The following FBXL4 variants were observed in gnomAD, a reference collection of about 807,000 sequenced individuals.
The protein encoded by FBXL4 is F-box and leucine rich repeat protein 4.
FBXL4 carries 40 observed loss-of-function variants against 58.9 expected under a neutral mutation model. The ratio of observed to expected loss-of-function variants is 0.68; its 90% confidence interval spans 0.53 to 0.88. The LOEUF (loss-of-function observed/expected upper bound fraction) is 0.88, where lower values mean the gene tolerates loss of function less well. Ranked by LOEUF, FBXL4 falls within the 40% of genes least tolerant of loss-of-function variation. The probability of loss-of-function intolerance (pLI) is 0.00; values close to 1 mark genes in which losing one functional copy is unlikely to be tolerated. For missense variants in FBXL4, 676 were observed against 734.4 expected (o/e 0.92, Z 0.92); for synonymous variants, 263 against 265.5 (o/e 0.99, Z 0.09).
At chr6:98,928,225 T>G (rs13197993) in intron 2 of FBXL4, among the ~76,000 whole-genome samples, 7,526 of 152,304 alleles carry the variant, frequency 0.049, 253 homozygotes, top group Middle Eastern at 0.12. Flanking sequence ...CCCATCCTCA[T>G]TGAGTAGGTA....
At chr6:98,909,719 T>C (rs1404451964) in intron 5 of FBXL4, among the ~76,000 whole-genome samples, 1 of 152,150 alleles carries the variant, frequency 6.6e-6, no homozygotes, top group African/African-American at 2.4e-5. Flanking sequence ...ACACTGTCAG[T>C]ATCTCATGCT....
intron 2 of FBXL4, among the ~76,000 whole-genome samples, chr6:98,932,112 T>C (rs1056831612): frequency 6.6e-6 from 1 of 152,240 alleles, no homozygotes; most frequent in Non-Finnish European, 1.5e-5. Flanking sequence ...AAAATGGATC[T>C]TCTGGGAGAC....
intron 1 of FBXL4, among the ~76,000 whole-genome samples, chr6:98,944,047 A>G (rs1400099385): frequency 2.6e-5 from 4 of 152,254 alleles, no homozygotes; most frequent in African/African-American, 7.2e-5. Flanking sequence ...GGGAAAGGAC[A>G]GTTTATCAAA....
chr6:98,930,271 T>C (rs866920341), intron 2 of FBXL4, among the ~76,000 whole-genome samples: 1 of 152,130 alleles, frequency 6.6e-6, no homozygotes, highest in Non-Finnish European at 1.5e-5. Flanking sequence ...TTAAAATAAA[T>C]AGGCTGGGCA....
At chr6:98,883,462 T>C (rs921238123) in intron 7 of FBXL4, among the ~76,000 whole-genome samples, 6 of 152,012 alleles carry the variant, frequency 3.9e-5, no homozygotes, top group Non-Finnish European at 8.8e-5. Flanking sequence ...TTCCCCCTTA[T>C]GTTTGTATCC....
chr6:98,881,458 T>G (rs2128379435), intron 7 of FBXL4, among the ~76,000 whole-genome samples: 1 of 152,032 alleles, frequency 6.6e-6, no homozygotes, highest in Admixed American at 6.5e-5. Flanking sequence ...ATCTTATACA[T>G]TTTTAAATAT....
At chr6:98,930,347 C>T (rs548735203) in intron 2 of FBXL4, among the ~76,000 whole-genome samples, 1 of 152,148 alleles carries the variant, frequency 6.6e-6, no homozygotes, top group Non-Finnish European at 1.5e-5. Flanking sequence ...TTGAGCCCGC[C>T]GGGGCGGAAG....
At chr6:98,904,648 A>G (rs1283585083) in intron 6 of FBXL4, among the ~76,000 whole-genome samples, 3 of 152,186 alleles carry the variant, frequency 2.0e-5, no homozygotes, top group Admixed American at 2.0e-4. Flanking sequence ...AAGAGTATTC[A>G]TTAATTAAAA....
At chr6:98,913,165 A>G (rs1012652764) in intron 5 of FBXL4, among the ~76,000 whole-genome samples, 1 of 152,254 alleles carries the variant, frequency 6.6e-6, no homozygotes, top group African/African-American at 2.4e-5. Context: ...AGGAGCACCC[A>G]GATTCATAAA....
At chr6:98,937,563 G>C (rs1411103879) in intron 1 of FBXL4, among the ~76,000 whole-genome samples, 1 of 152,176 alleles carries the variant, frequency 6.6e-6, no homozygotes, top group Non-Finnish European at 1.5e-5. Flanking sequence ...AGTAGGCTGA[G>C]AAGGGAGGAG....
At position 98,926,623 on chromosome 6, in the gene FBXL4, C is replaced by G; in HGVS notation, c.366G>C (p.Gln122His). 4 of 1,614,138 alleles carry G rather than the reference C, an allele frequency of 2.5e-6. No individual in the cohort carries two copies. The highest frequency in any genetic ancestry group is 3.4e-6 in the Non-Finnish European group (4 of 1,180,034). The change falls in exon 4 of 10, where the codon CAG becomes CAC. Residue 122 changes from glutamine (Q) to histidine (H), a missense_variant. Transcript: ENST00000369244. ...LPFKRTPPNF[Q>H]SQDYVELTFE... ...AAGTAAGTTCCACATAGTCCTGGCT[C>G]TGAAAATTAGGTGGCGTCCTCTTGA...
At chr6:98,896,024 C>A (rs1230528802) in intron 7 of FBXL4, among the ~76,000 whole-genome samples, 1 of 152,000 alleles carries the variant, frequency 6.6e-6, no homozygotes, top group East Asian at 1.9e-4. Flanking sequence ...ATTTGTAGCC[C>A]TTTTAAAACA....
At chr6:98,879,513 A>G (rs1770769621) in intron 8 of FBXL4, among the ~76,000 whole-genome samples, 1 of 152,150 alleles carries the variant, frequency 6.6e-6, no homozygotes, top group African/African-American at 2.4e-5. Context: ...AAAGCTATAT[A>G]ATTATGTGGT....
chr6:98,895,327 G>A (rs900584860), intron 7 of FBXL4, among the ~76,000 whole-genome samples: 9 of 152,178 alleles, frequency 5.9e-5, no homozygotes, highest in South Asian at 2.1e-4. Context: ...CAAAAAATCC[G>A]TTTTCCTGCA....
chr6:98,932,946 TA>T (rs758563175), intron 2 of FBXL4, among the ~76,000 whole-genome samples: 52 of 150,380 alleles, frequency 3.5e-4, no homozygotes, highest in Non-Finnish European at 7.1e-4. Flanking sequence ...ACAGCTTTGC[TA>T]CATAGTACCA....
intron 6 of FBXL4, among the ~76,000 whole-genome samples, chr6:98,900,259 C>A (rs562719947): frequency 6.6e-6 from 1 of 152,264 alleles, no homozygotes; most frequent in African/African-American, 2.4e-5. Context: ...GAAACTTTAT[C>A]AACTAAGCAA....
chr6:98,897,423 G>T, intron 7 of FBXL4: 1 of 851,748 alleles, frequency 1.2e-6, no homozygotes, highest in Non-Finnish European at 1.4e-6. Context: ...GGAAATCTGA[G>T]ACAATGTCTT....
chr6:98,919,246 T>C (rs1772487769), intron 4 of FBXL4, among the ~76,000 whole-genome samples: 2 of 152,244 alleles, frequency 1.3e-5, no homozygotes, highest in South Asian at 4.1e-4. Flanking sequence ...GGAATTCTAA[T>C]AAACATATCA....
Position 98,927,000 on chromosome 6 carries a change from T to C in FBXL4, c.-12A>G. 1.2e-6 allele frequency: 2 copies of C among 1,608,030 alleles called. No homozygotes were observed. The highest frequency in any genetic ancestry group is 8.5e-7 in the Non-Finnish European group (1 of 1,175,870). On this transcript the variant is annotated 5_prime_UTR_variant, in exon 4 of 10. Coordinates refer to ENST00000369244, the MANE Select transcript of FBXL4 (RefSeq NM_001278716.2). Reference sequence around the variant, plus strand: ...AAGACCGGTGACATCTAGATGTGAATTATGAAGCTTCAAAAGGTCAGGTGT... The same window carrying C: ...AAGACCGGTGACATCTAGATGTGAACTATGAAGCTTCAAAAGGTCAGGTGT...
Sources: gnomAD v4.1 joint callset for allele counts (sites outside exome capture counted in the v4.1 genomes callset) on GRCh38, gnomAD v4.1.1 for gene constraint, MANE v1.5 for transcripts, NCBI Gene and HGNC (gene_info 2026-07-23, HGNC 2026-07-21) for gene names.